The following SGCZ variants were observed in gnomAD, a reference collection of about 807,000 sequenced individuals.
SGCZ encodes the protein zeta-sarcoglycan.
In SGCZ, 40 loss-of-function variants were observed where a neutral mutation model predicts 41.3. That is an observed-to-expected ratio of 0.97 (90% CI 0.75 to 1.26). The LOEUF is 1.26. SGCZ is among the 50% of genes most tolerant of loss of function. The pLI is 0.00. For missense variants in SGCZ, 552 were observed against 369.8 expected (o/e 1.49, Z -4.04); for synonymous variants, 206 against 137.5 (o/e 1.50, Z -3.49).
At chr8:14,820,541 C>A (rs1585290239) in intron 1 of SGCZ, among the ~76,000 whole-genome samples, 1 of 152,040 alleles carries the variant, frequency 6.6e-6, no homozygotes, top group Non-Finnish European at 1.5e-5. Flanking sequence ...ACAGAGCACA[C>A]ATTCTTCTCA....
At chr8:14,689,809 A>T (rs964125531) in intron 1 of SGCZ, among the ~76,000 whole-genome samples, 4 of 152,186 alleles carry the variant, frequency 2.6e-5, no homozygotes, top group African/African-American at 9.6e-5. Context: ...GAGAATCCCC[A>T]TCAGCTGTGG....
intron 2 of SGCZ, among the ~76,000 whole-genome samples, chr8:14,377,188 T>G (rs971400782): frequency 1.3e-5 from 2 of 152,184 alleles, no homozygotes; most frequent in African/African-American, 4.8e-5. Context: ...GGACTTGAGA[T>G]TGAGTAATCA....
intron 1 of SGCZ, among the ~76,000 whole-genome samples, chr8:14,710,821 C>T (rs61030627): frequency 0.043 from 6,465 of 152,074 alleles, 456 homozygotes; most frequent in African/African-American, 0.15. Context: ...CTTTTTAAAG[C>T]AATTTTTTGA....
chr8:14,464,325 A>G (rs912830860), intron 2 of SGCZ, among the ~76,000 whole-genome samples: 1 of 150,994 alleles, frequency 6.6e-6, no homozygotes, highest in Non-Finnish European at 1.5e-5. Flanking sequence ...CAAATTTTCT[A>G]TTTCTTTGTG....
At chr8:14,908,848 G>C (rs1183103505) in intron 1 of SGCZ, among the ~76,000 whole-genome samples, 1 of 150,978 alleles carries the variant, frequency 6.6e-6, no homozygotes, top group African/African-American at 2.4e-5. Flanking sequence ...TGAATTCCTA[G>C]AATTCTTACT....
intron 3 of SGCZ, among the ~76,000 whole-genome samples, chr8:14,298,075 T>C (rs1169830840): frequency 2.0e-5 from 3 of 151,982 alleles, no homozygotes; most frequent in Non-Finnish European, 4.4e-5. Flanking sequence ...TTAATATAAT[T>C]CATAATATTA....
At chr8:14,181,576 G>C (rs187197862) in intron 4 of SGCZ, among the ~76,000 whole-genome samples, 54 of 152,306 alleles carry the variant, frequency 3.5e-4, no homozygotes, top group African/African-American at 1.1e-3. Flanking sequence ...CATGTGACAA[G>C]GGCGGGGCCA....
chr8:14,610,796 T>G (rs1805902994), intron 1 of SGCZ, among the ~76,000 whole-genome samples: 1 of 152,134 alleles, frequency 6.6e-6, no homozygotes, highest in African/African-American at 2.4e-5. Flanking sequence ...AATAGGATAG[T>G]TGAGTGTTCA....
chr8:15,219,162 T>A (rs1275297478), intron 1 of SGCZ, among the ~76,000 whole-genome samples: 1 of 152,232 alleles, frequency 6.6e-6, no homozygotes, highest in Non-Finnish European at 1.5e-5. Flanking sequence ...TGTTTATTTA[T>A]TAATCATGAT....
chr8:14,126,468 A>AAAAACAAAAC (rs71209013), intron 5 of SGCZ, among the ~76,000 whole-genome samples: 22 of 151,600 alleles, frequency 1.5e-4, no homozygotes, highest in East Asian at 1.2e-3. Flanking sequence ...ATTAAAAAGT[A>AAAAACAAAAC]AAAACAAAAC....
chr8:14,223,567 G>A (rs1453731374), intron 4 of SGCZ, among the ~76,000 whole-genome samples: 1 of 151,954 alleles, frequency 6.6e-6, no homozygotes, highest in East Asian at 1.9e-4. Flanking sequence ...GAATTAGTGA[G>A]CTGTTGGAAC....
At position 14,342,091 on chromosome 8, in the gene SGCZ, T is replaced by C. The variant is rs1190799057; in HGVS notation, c.235-17887A>G. Among the ~76,000 whole-genome samples the C allele has an allele frequency of 2.6e-5, 4 of 152,180 alleles. No individual in the cohort carries two copies. The East Asian group carries it at 7.7e-4, about 29-fold the overall frequency. ...AAATGTAGGAAAGTTTGGAACTTCC[T>C]ACAAACTTGTTGAATGGCTTTGCCC... On this transcript the variant is annotated intron_variant, in intron 2 of 7. Transcript: ENST00000382080.
chr8:14,769,694 A>C (rs1270081663), intron 1 of SGCZ, among the ~76,000 whole-genome samples: 1 of 150,354 alleles, frequency 6.7e-6, no homozygotes, highest in Non-Finnish European at 1.5e-5. Context: ...CAGGAGGCTG[A>C]GTCAGGAGAA....
At chr8:14,336,256 T>C (rs567171838) in intron 2 of SGCZ, among the ~76,000 whole-genome samples, 1 of 152,310 alleles carries the variant, frequency 6.6e-6, no homozygotes, top group Non-Finnish European at 1.5e-5. Flanking sequence ...TCATTCTTAT[T>C]TTTTCTTGGC....
intron 1 of SGCZ, among the ~76,000 whole-genome samples, chr8:14,709,401 CAACA>C (rs778646033): frequency 6.6e-6 from 1 of 152,128 alleles, no homozygotes; most frequent in Non-Finnish European, 1.5e-5. Context: ...TGTAATGTCA[CAACA>C]AACATTTAAT....
At chr8:14,222,925 T>C (rs1182839771) in intron 4 of SGCZ, among the ~76,000 whole-genome samples, 1 of 150,554 alleles carries the variant, frequency 6.6e-6, no homozygotes, top group Non-Finnish European at 1.5e-5. Flanking sequence ...GACTCTCCTG[T>C]CTCAGCCTTT....
intron 1 of SGCZ, among the ~76,000 whole-genome samples, chr8:15,088,773 C>A (rs1806043706): frequency 6.6e-6 from 1 of 152,250 alleles, no homozygotes; most frequent in East Asian, 1.9e-4. Flanking sequence ...GCTAAACCAT[C>A]AGTGTATCAT....
intron 2 of SGCZ, among the ~76,000 whole-genome samples, chr8:14,338,936 G>C (rs11986001): frequency 0.045 from 6,829 of 152,184 alleles, 508 homozygotes; most frequent in African/African-American, 0.15. Flanking sequence ...GCTTCAGCCT[G>C]GACAAGTGCA....
At chr8:14,788,636 T>A (rs969560954) in intron 1 of SGCZ, among the ~76,000 whole-genome samples, 4 of 152,222 alleles carry the variant, frequency 2.6e-5, no homozygotes, top group African/African-American at 9.6e-5. Context: ...ATATGCATAG[T>A]AAATGTTAGG....
Sources: allele counts gnomAD v4.1 joint callset (sites outside exome capture counted in the v4.1 genomes callset), GRCh38; gene constraint gnomAD v4.1.1; transcripts MANE v1.5; gene names NCBI Gene and HGNC (gene_info 2026-07-23, HGNC 2026-07-21).